The following ATXN1 variants were observed in gnomAD, a reference collection of about 807,000 sequenced individuals.
The protein encoded by ATXN1 is ataxin 1.
ATXN1 carries 8 observed loss-of-function variants against 56.4 expected under a neutral mutation model. The observed-to-expected ratio is 0.14, with a 90% confidence interval of 0.08 to 0.26. The LOEUF (loss-of-function observed/expected upper bound fraction) is 0.26, where lower values mean the gene tolerates loss of function less well. Ranked by LOEUF, ATXN1 falls within the 10% of genes least tolerant of loss-of-function variation. The pLI, the probability that ATXN1 is intolerant of heterozygous loss-of-function variation, is 1.00. For synonymous variants in ATXN1, 514 were observed against 494.6 expected (o/e 1.04, Z -0.52); for missense variants, 987 against 1,106.5 (o/e 0.89, Z 1.53).
chr6:16,704,848 T>C (rs983598073), intron 2 of ATXN1, among the ~76,000 whole-genome samples: 2 of 152,170 alleles, frequency 1.3e-5, no homozygotes, highest in African/African-American at 2.4e-5. Context: ...TTTCCAAACG[T>C]CTGCACCAAT....
At chr6:16,337,860 G>A (rs1199317540) in intron 6 of ATXN1, among the ~76,000 whole-genome samples, 2 of 152,124 alleles carry the variant, frequency 1.3e-5, no homozygotes, top group Non-Finnish European at 2.9e-5. Flanking sequence ...AAGGACTGAT[G>A]CAAGAAGATG....
chr6:16,426,349 A>G (rs1759154325), intron 6 of ATXN1, among the ~76,000 whole-genome samples: 3 of 151,888 alleles, frequency 2.0e-5, no homozygotes, highest in African/African-American at 7.3e-5. Context: ...GAGAATGAGA[A>G]ATTGCAATTA....
chr6:16,513,727 GGT>G (rs1761125588), intron 5 of ATXN1, among the ~76,000 whole-genome samples: 1 of 152,140 alleles, frequency 6.6e-6, no homozygotes, highest in South Asian at 2.1e-4. Context: ...CAGCAACTCA[GGT>G]GTCTGTCCAC....
At chr6:16,635,991 G>C (rs1763590281) in intron 3 of ATXN1, among the ~76,000 whole-genome samples, 1 of 152,178 alleles carries the variant, frequency 6.6e-6, no homozygotes, top group Non-Finnish European at 1.5e-5. Context: ...ACCTCAGGCA[G>C]TGCACAGTTC....
chr6:16,589,042 C>G (rs1351303576), intron 3 of ATXN1, among the ~76,000 whole-genome samples: 1 of 152,060 alleles, frequency 6.6e-6, no homozygotes, highest in East Asian at 1.9e-4. Context: ...CATCTTGTTT[C>G]CCTCATCTCC....
chr6:16,695,929 C>T (rs1365981792), intron 2 of ATXN1, among the ~76,000 whole-genome samples: 1 of 152,034 alleles, frequency 6.6e-6, no homozygotes, highest in Non-Finnish European at 1.5e-5. Flanking sequence ...GCACCACTAC[C>T]CTCTGGCCTG....
chr6:16,468,434 C>T (rs768953763), intron 6 of ATXN1, among the ~76,000 whole-genome samples: 5 of 152,130 alleles, frequency 3.3e-5, no homozygotes, highest in Non-Finnish European at 5.9e-5. Context: ...CGTGATCTGC[C>T]CGCCTCGGCC....
At chr6:16,438,743 G>A (rs1390881443) in intron 6 of ATXN1, among the ~76,000 whole-genome samples, 1 of 152,166 alleles carries the variant, frequency 6.6e-6, no homozygotes, top group Non-Finnish European at 1.5e-5. Flanking sequence ...TTATGAGATA[G>A]ACTGAAATTT....
At chr6:16,670,450 C>T (rs1306611063) in intron 2 of ATXN1, among the ~76,000 whole-genome samples, 1 of 152,174 alleles carries the variant, frequency 6.6e-6, no homozygotes, top group East Asian at 1.9e-4. Flanking sequence ...ATATACAGTA[C>T]ATTACTCTCT....
At chr6:16,632,887 C>T (rs1011264191) in intron 3 of ATXN1, among the ~76,000 whole-genome samples, 2 of 151,620 alleles carry the variant, frequency 1.3e-5, no homozygotes, top group East Asian at 1.9e-4. Flanking sequence ...ATCCCAGCTA[C>T]TTGGGAGGCT....
intron 6 of ATXN1, among the ~76,000 whole-genome samples, chr6:16,428,063 T>C (rs541694511): frequency 1.3e-5 from 2 of 151,982 alleles, no homozygotes; most frequent in African/African-American, 4.8e-5. Flanking sequence ...CTGTAAAATA[T>C]GGTTGCAAGG....
intron 2 of ATXN1, among the ~76,000 whole-genome samples, chr6:16,714,442 T>C (rs1042867443): frequency 5.9e-5 from 9 of 152,194 alleles, no homozygotes; most frequent in Non-Finnish European, 1.2e-4. Context: ...ATCTATTCCT[T>C]TTTGTGATTG....
chr6:16,686,001 A>G (rs1223010789), intron 2 of ATXN1, among the ~76,000 whole-genome samples: 1 of 152,204 alleles, frequency 6.6e-6, no homozygotes, highest in African/African-American at 2.4e-5. Flanking sequence ...ATTTAAAACA[A>G]TATCTTAATA....
chr6:16,611,595 C>T (rs1763106933), intron 3 of ATXN1, among the ~76,000 whole-genome samples: 1 of 152,038 alleles, frequency 6.6e-6, no homozygotes. Flanking sequence ...AAAGGAATAC[C>T]AGGAAACTGC....
In ATXN1 at chr6:16,531,969, A is replaced by G. The variant is rs1345957823; in HGVS notation, c.-360-9281T>C. Among the ~76,000 whole-genome samples, 3 of 152,244 alleles carry G rather than the reference A, an allele frequency of 2.0e-5. No individual in the cohort carries two copies. The South Asian group carries it at 6.2e-4, about 31-fold the overall frequency. On this transcript the variant is annotated intron_variant, in intron 4 of 7. Transcript: ENST00000436367. ...AGCCAAAGGTTGGCAAACTTTTTCT[A>G]TAAAGGACCAGGGAGCAAATGCTTT... is the stretch of plus-strand genomic sequence containing the variant.
At chr6:16,684,939 G>T (rs909192884) in intron 2 of ATXN1, among the ~76,000 whole-genome samples, 2 of 151,522 alleles carry the variant, frequency 1.3e-5, no homozygotes, top group Non-Finnish European at 2.9e-5. Context: ...AAACAAATCA[G>T]AAGCACAAGT....
At chr6:16,695,676 G>A (rs1159393490) in intron 2 of ATXN1, among the ~76,000 whole-genome samples, 1 of 152,210 alleles carries the variant, frequency 6.6e-6, no homozygotes, top group Non-Finnish European at 1.5e-5. Context: ...TTCATCTTGA[G>A]AGGTGAATGA....
At chr6:16,508,653 A>T (rs538770136) in intron 5 of ATXN1, among the ~76,000 whole-genome samples, 1 of 152,304 alleles carries the variant, frequency 6.6e-6, no homozygotes, top group South Asian at 2.1e-4. Context: ...AGAAACTGGA[A>T]CCCTTGTGCA....
chr6:16,735,355 T>TC (rs1392516921), intron 2 of ATXN1, among the ~76,000 whole-genome samples: 21 of 152,200 alleles, frequency 1.4e-4, no homozygotes, highest in Non-Finnish European at 8.8e-5. Context: ...GTGTGTACAC[T>TC]CCCTCCTTGT....
Sources: allele counts gnomAD v4.1 joint callset (sites outside exome capture counted in the v4.1 genomes callset), GRCh38; gene constraint gnomAD v4.1.1; transcripts MANE v1.5; gene names NCBI Gene and HGNC (gene_info 2026-07-23, HGNC 2026-07-21).